Variants in C8orf34 observed in about 807,000 individuals in gnomAD.
C8orf34 encodes the protein uncharacterized protein C8orf34.
In C8orf34, 65 loss-of-function variants were observed where a neutral mutation model predicts 68.3. The observed-to-expected ratio is 0.95, with a 90% CI of 0.78 to 1.17. The LOEUF is 1.17. Among genes scored for constraint, C8orf34 ranks in the 50% most tolerant of loss-of-function variants. C8orf34 has a pLI of 0.00. For synonymous variants in C8orf34, 244 were observed against 241.2 expected, an observed-to-expected ratio of 1.01 and a Z score of -0.11; for missense variants, 664 against 655.4, an observed-to-expected ratio of 1.01 and a Z score of -0.14.
At chr8:68,753,595 A>G (rs1822766292) in intron 10 of C8orf34, among the ~76,000 whole-genome samples, 1 of 152,196 alleles carries the variant, frequency 6.6e-6, no homozygotes, top group Non-Finnish European at 1.5e-5. Flanking sequence ...TCACTAGTTA[A>G]TGTAGCACAG....
intron 7 of C8orf34, chr8:68,534,113 T>C: frequency 2.0e-6 from 2 of 983,560 alleles, no homozygotes; most frequent in Non-Finnish European, 2.4e-6. Context: ...ACTATCATTA[T>C]AAAAAATGAT....
chr8:68,459,521 G>A lies in C8orf34; in HGVS notation c.608-9171G>A, dbSNP rs942156501. ...GTTGGGATTACAGGCGTGAGCCACCGTGCCCGGCTGAAAAGGGAACTCTTA... is the reference window on the plus strand; with the variant it reads ...GTTGGGATTACAGGCGTGAGCCACCATGCCCGGCTGAAAAGGGAACTCTTA... On this transcript the variant is annotated intron_variant, in intron 3 of 13. Coordinates refer to ENST00000518698, the MANE Select transcript of C8orf34 (RefSeq NM_052958.4). Among the ~76,000 whole-genome samples the A allele has an allele frequency of 1.4e-4, 22 of 152,144 alleles. No individual in the cohort carries two copies. In the East Asian group the frequency reaches 2.9e-3, roughly 20 times the overall value.
chr8:68,696,113 C>T (rs983410538), intron 8 of C8orf34, among the ~76,000 whole-genome samples: 19 of 151,344 alleles, frequency 1.3e-4, no homozygotes, highest in African/African-American at 4.1e-4. Flanking sequence ...CTTCAATGAG[C>T]GGTGATTGCG....
intron 5 of C8orf34, 41 bp downstream of exon 5, chr8:68,488,092 C>T: frequency 2.8e-6 from 4 of 1,430,584 alleles, no homozygotes; most frequent in Non-Finnish European, 3.8e-6. Flanking sequence ...AAATGTAGAA[C>T]TTACCTTTTA....
rs549084649 is a variant in C8orf34 at position 68,782,933 on chromosome 8, A to G, written c.1456-4510A>G. Reference sequence around the variant, plus strand: ...AAAAAAAAGAAAAAGTTATTGAGGCATAGTGGCACGTGCCTGTAGTTCCAG... The same window carrying G: ...AAAAAAAAGAAAAAGTTATTGAGGCGTAGTGGCACGTGCCTGTAGTTCCAG... On this transcript the variant is annotated intron_variant, in intron 11 of 13. Coordinates refer to ENST00000518698, the MANE Select transcript of C8orf34 (RefSeq NM_052958.4). Among the ~76,000 whole-genome samples the G allele has an allele frequency of 6.6e-5, 10 of 151,920 alleles. No individual in the cohort carries two copies. The East Asian group carries it at 1.9e-3, about 29-fold the overall frequency.
intron 7 of C8orf34, among the ~76,000 whole-genome samples, chr8:68,617,584 C>A (rs1436934421): frequency 1.3e-5 from 2 of 152,280 alleles, no homozygotes; most frequent in Admixed American, 1.3e-4. Context: ...GTTGAAAATT[C>A]TTTTCTTTAA....
chr8:68,629,814 T>G (rs1818637712), intron 7 of C8orf34, among the ~76,000 whole-genome samples: 1 of 152,000 alleles, frequency 6.6e-6, no homozygotes, highest in Non-Finnish European at 1.5e-5. Context: ...TGAGTGCATG[T>G]GTGTATGTGT....
At chr8:68,786,455 G>A (rs1170310803) in intron 11 of C8orf34, among the ~76,000 whole-genome samples, 1 of 152,176 alleles carries the variant, frequency 6.6e-6, no homozygotes, top group African/African-American at 2.4e-5. Flanking sequence ...GGACGGAAAA[G>A]ATGAAAGTAT....
intron 7 of C8orf34, among the ~76,000 whole-genome samples, chr8:68,550,438 T>A (rs998631617): frequency 2.6e-5 from 4 of 151,892 alleles, no homozygotes; most frequent in Admixed American, 2.6e-4. Context: ...CATATATACA[T>A]ATGCATACAC....
chr8:68,813,922 G>A (rs1237837540), intron 12 of C8orf34, among the ~76,000 whole-genome samples: 1 of 152,064 alleles, frequency 6.6e-6, no homozygotes, highest in Non-Finnish European at 1.5e-5. Flanking sequence ...ATTCTCATAG[G>A]CTGTATATAC....
chr8:68,694,554 TGTTAGA>T lies in C8orf34; in HGVS notation c.1242-14436_1242-14431del, dbSNP rs1237674588. Among the ~76,000 whole-genome samples the T allele has an allele frequency of 6.6e-5, 10 of 152,276 alleles. No individual in the cohort carries two copies. In the East Asian group the frequency reaches 1.7e-3, roughly 26 times the overall value. ...TCTAACAATTTAACAGCAATAGCAC[TGTTAGA>T]GTTTATTTTGTTGTCACAATAAGAA... On this transcript the variant is annotated intron_variant, in intron 8 of 13. Transcript: ENST00000518698.
intron 10 of C8orf34, among the ~76,000 whole-genome samples, chr8:68,742,559 A>C (rs943364364): frequency 5.3e-5 from 8 of 152,144 alleles, no homozygotes; most frequent in African/African-American, 1.4e-4. Context: ...ATTTCTAAAA[A>C]TGTACTTCTT....
chr8:68,796,626 AT>A (rs1374405858), intron 12 of C8orf34, among the ~76,000 whole-genome samples: 16 of 152,308 alleles, frequency 1.1e-4, no homozygotes, highest in Non-Finnish European at 1.9e-4. Flanking sequence ...CAACTCTATA[AT>A]TTTAAATGAA....
At chr8:68,663,611 C>G (rs990901357) in intron 8 of C8orf34, among the ~76,000 whole-genome samples, 2 of 152,172 alleles carry the variant, frequency 1.3e-5, no homozygotes, top group African/African-American at 2.4e-5. Flanking sequence ...GTACAATCTT[C>G]TGGAGCCAGA....
intron 5 of C8orf34, among the ~76,000 whole-genome samples, chr8:68,489,503 TTG>T (rs1338158674): frequency 6.6e-6 from 1 of 152,172 alleles, no homozygotes; most frequent in Non-Finnish European, 1.5e-5. Context: ...CAAAATTCAT[TTG>T]TGTTTCATAT....
At chr8:68,667,272 T>C (rs1369401497) in intron 8 of C8orf34, among the ~76,000 whole-genome samples, 2 of 152,214 alleles carry the variant, frequency 1.3e-5, no homozygotes, top group Non-Finnish European at 2.9e-5. Context: ...TTCATGGAGA[T>C]ATTTTTTACC....
chr8:68,364,943 C>T (rs1049090673), intron 1 of C8orf34, among the ~76,000 whole-genome samples: 1 of 151,154 alleles, frequency 6.6e-6, no homozygotes, highest in South Asian at 2.1e-4. Context: ...TTCAAAAAAT[C>T]AATGAATCCA....
At chr8:68,352,389 G>A (rs563886454) in intron 1 of C8orf34, among the ~76,000 whole-genome samples, 6 of 143,558 alleles carry the variant, frequency 4.2e-5, no homozygotes, top group Non-Finnish European at 6.0e-5. Context: ...ATGTGCTCTT[G>A]CTAAGGCAGA....
chr8:68,569,013 G>T (rs1816685767), intron 7 of C8orf34, among the ~76,000 whole-genome samples: 1 of 152,122 alleles, frequency 6.6e-6, no homozygotes, highest in South Asian at 2.1e-4. Flanking sequence ...TAGAAATTTG[G>T]CTTTTGTTTG....
Sources: gnomAD v4.1 joint callset for allele counts (sites outside exome capture counted in the v4.1 genomes callset) on GRCh38, gnomAD v4.1.1 for gene constraint, MANE v1.5 for transcripts, NCBI Gene and HGNC (gene_info 2026-07-23, HGNC 2026-07-21) for gene names.